CHL1: variants seen among roughly 807,000 people sequenced by gnomAD.
The protein encoded by CHL1 is neural cell adhesion molecule L1-like protein.
CHL1 carries 96 observed loss-of-function variants against 141.9 expected under a neutral mutation model. The observed-to-expected ratio is 0.68, with a 90% CI of 0.57 to 0.80. CHL1 has a LOEUF of 0.80. Ranked by LOEUF, CHL1 falls within the 30% of genes least tolerant of loss-of-function variation. CHL1 has a pLI of 0.00. For synonymous variants in CHL1, 613 were observed against 502.2 expected (o/e 1.22, Z -2.95); for missense variants, 1,820 against 1,457.2 (o/e 1.25, Z -4.05).
Position 340,836 on chromosome 3 carries a change from T to C in CHL1, c.428T>C (p.Val143Ala). The C allele has an allele frequency of 6.2e-7, 1 of 1,612,304 alleles. No individual in the cohort carries two copies. Among genetic ancestry groups the C allele is most frequent in the South Asian group, 1.1e-5 (1 of 90,916 alleles). Residue 143 changes from valine (V) to alanine (A), a missense_variant, in exon 6 of 28, where the codon GTG becomes GCG. Transcript: ENST00000256509. ...AAAGAAAAAATTGACCCTCTTGAAGTGGAGGAGGGAGATCCAATTGTCCTC... is the reference window on the plus strand; with the variant it reads ...AAAGAAAAAATTGACCCTCTTGAAGCGGAGGAGGGAGATCCAATTGTCCTC... ...FPKEKIDPLE[V>A]EEGDPIVLPC...
intron 14 of CHL1, 25 bp from the exon 15 acceptor site, chr3:365,925 T>A: frequency 6.3e-7 from 1 of 1,598,080 alleles, no homozygotes; most frequent in Non-Finnish European, 8.6e-7. Context: ...TAGTTCTAAC[T>A]AATATCTTTG....
intron 1 of CHL1, among the ~76,000 whole-genome samples, chr3:242,341 A>C (rs71306195): frequency 0.42 from 62,340 of 149,052 alleles, 14,003 homozygotes; most frequent in Admixed American, 0.51. Context: ...TCACGCCTGT[A>C]ATCCCAGCAC....
intron 2 of CHL1, among the ~76,000 whole-genome samples, chr3:304,934 A>G (rs182067115): frequency 1.3e-5 from 2 of 152,202 alleles, no homozygotes; most frequent in Non-Finnish European, 2.9e-5. Flanking sequence ...CACTCCTTAA[A>G]TGACTTGGTG....
intron 2 of CHL1, among the ~76,000 whole-genome samples, chr3:302,710 G>A (rs1575006577): frequency 6.6e-6 from 1 of 152,182 alleles, no homozygotes; most frequent in Non-Finnish European, 1.5e-5. Context: ...TCACTCTGAT[G>A]ATAGTTTCTT....
chr3:382,131 A>G (rs1707119910), intron 16 of CHL1, 48 bp from the exon 17 acceptor site: 3 of 1,496,192 alleles, frequency 2.0e-6, no homozygotes, highest in African/African-American at 1.4e-5. Context: ...GAAGGGAATC[A>G]GGTAAACAAA....
intron 2 of CHL1, among the ~76,000 whole-genome samples, chr3:251,622 T>A (rs972508128): frequency 1.3e-5 from 2 of 152,154 alleles, no homozygotes; most frequent in South Asian, 2.1e-4. Flanking sequence ...TACATTTCCA[T>A]GATTTTGCAA....
At chr3:337,357 A>T (rs181869888) in intron 5 of CHL1, among the ~76,000 whole-genome samples, 1,269 of 41,626 alleles carry the variant, frequency 0.03, 19 homozygotes, top group African/African-American at 0.099. Context: ...CGCCCGGCTA[A>T]TTTTTTTATA....
intron 2 of CHL1, among the ~76,000 whole-genome samples, chr3:295,602 T>G (rs115677410): frequency 1.9e-3 from 286 of 152,252 alleles, no homozygotes; most frequent in African/African-American, 5.9e-3. Context: ...TCTGTCAGAG[T>G]TCTCAAATAA....
chr3:381,065 C>G (rs907002106), intron 16 of CHL1, among the ~76,000 whole-genome samples: 1 of 152,148 alleles, frequency 6.6e-6, no homozygotes, highest in Non-Finnish European at 1.5e-5. Context: ...ATGCAGATTC[C>G]TGGGCCCACC....
chr3:339,920 A>G (rs1282014739), intron 5 of CHL1, among the ~76,000 whole-genome samples: 1 of 152,186 alleles, frequency 6.6e-6, no homozygotes, highest in Non-Finnish European at 1.5e-5. Context: ...CCTTCCTAAG[A>G]TCCTTCTCCT....
chr3:278,171 G>C (rs1696323504), intron 2 of CHL1, among the ~76,000 whole-genome samples: 1 of 152,208 alleles, frequency 6.6e-6, no homozygotes, highest in South Asian at 2.1e-4. Flanking sequence ...AGGCCAGGAA[G>C]CAAATTAAAA....
At chr3:385,385 A>G (rs1241705971) in intron 19 of CHL1, among the ~76,000 whole-genome samples, 1 of 152,224 alleles carries the variant, frequency 6.6e-6, no homozygotes, top group Non-Finnish European at 1.5e-5. Context: ...GACCTCACCC[A>G]GATGCCATGG....
intron 1 of CHL1, among the ~76,000 whole-genome samples, chr3:205,345 C>G (rs1054897645): frequency 6.6e-6 from 1 of 152,058 alleles, no homozygotes; most frequent in Non-Finnish European, 1.5e-5. Context: ...AACTCCTGGC[C>G]TTAGGTGATT....
chr3:324,739 A>T (rs1444337771), intron 3 of CHL1, among the ~76,000 whole-genome samples: 3 of 151,732 alleles, frequency 2.0e-5, no homozygotes, highest in Non-Finnish European at 4.4e-5. Context: ...CCTGGTCTCA[A>T]AATTAATCCA....
chr3:354,463 T>A (rs978175591), intron 10 of CHL1, among the ~76,000 whole-genome samples, 177 bp from the exon 11 acceptor site: 1 of 150,392 alleles, frequency 6.6e-6, no homozygotes, highest in Non-Finnish European at 1.5e-5. Flanking sequence ...ACACACACCA[T>A]ACAACACAAA....
chr3:214,958 A>G (rs1299687729), intron 1 of CHL1, among the ~76,000 whole-genome samples: 1 of 46,112 alleles, frequency 2.2e-5, no homozygotes, highest in Non-Finnish European at 4.6e-5. Context: ...GTGCACGTGC[A>G]CACACACACA....
chr3:347,865 G>T (rs892454338), intron 9 of CHL1, among the ~76,000 whole-genome samples: 1 of 152,126 alleles, frequency 6.6e-6, no homozygotes, highest in African/African-American at 2.4e-5. Flanking sequence ...TAAAATATAA[G>T]ATTATTATTC....
chr3:380,831 T>C (rs576981860), intron 16 of CHL1, among the ~76,000 whole-genome samples: 3 of 152,332 alleles, frequency 2.0e-5, no homozygotes, highest in East Asian at 3.9e-4. Context: ...ATACACATGA[T>C]TGAAGTAATA....
At chr3:257,457 A>G (rs987320400) in intron 2 of CHL1, among the ~76,000 whole-genome samples, 12 of 150,962 alleles carry the variant, frequency 7.9e-5, no homozygotes, top group African/African-American at 2.7e-4. Context: ...GGGTTCAAGC[A>G]ATTCCCCTGC....
Sources: allele counts gnomAD v4.1 joint callset (sites outside exome capture counted in the v4.1 genomes callset), GRCh38; gene constraint gnomAD v4.1.1; transcripts MANE v1.5; gene names NCBI Gene and HGNC (gene_info 2026-07-23, HGNC 2026-07-21).